Variants in PPM1E observed in about 807,000 individuals in gnomAD.
PPM1E encodes the protein protein phosphatase, Mg2+/Mn2+ dependent 1E.
In PPM1E, 20 loss-of-function variants were observed where a neutral mutation model predicts 65.9. The ratio of observed to expected loss-of-function variants is 0.30; its 90% confidence interval spans 0.21 to 0.44. The LOEUF (loss-of-function observed/expected upper bound fraction) is 0.44. Ranked by LOEUF, PPM1E falls within the 20% of genes least tolerant of loss-of-function variation. The pLI is 1.00. For synonymous variants in PPM1E, 352 were observed against 374.9 expected (o/e 0.94, Z 0.70); for missense variants, 713 against 953.1 (o/e 0.75, Z 3.32).
rs747617027 is a variant in PPM1E at position 58,982,956 on chromosome 17, T to G, written c.*1925T>G. ...CAAGAAAACAAAGGCAGCAGACTAT[T>G]GGTACACATTATAGTCCAAAGTGCT... On this transcript the variant is annotated 3_prime_UTR_variant, in exon 7 of 7. Coordinates refer to ENST00000308249, the MANE Select transcript of PPM1E (RefSeq NM_014906.5). 2 of 1,558,268 alleles carry G rather than the reference T, an allele frequency of 1.3e-6. No individual in the cohort carries two copies. Among genetic ancestry groups the G allele is most frequent in the East Asian group, 2.3e-5 (1 of 42,718 alleles).
intron 1 of PPM1E, among the ~76,000 whole-genome samples, chr17:58,858,585 G>A (rs1853955577): frequency 6.6e-6 from 1 of 151,426 alleles, no homozygotes; most frequent in African/African-American, 2.4e-5. Flanking sequence ...TCTGTTCCTG[G>A]CTTACTTCAT....
chr17:58,781,075 A>G (rs2050044678), intron 1 of PPM1E, among the ~76,000 whole-genome samples: 1 of 152,106 alleles, frequency 6.6e-6, no homozygotes, highest in South Asian at 2.1e-4. Flanking sequence ...TAAGATTTAT[A>G]AAAGATTGGT....
chr17:58,773,898 A>G (rs527682353), intron 1 of PPM1E, among the ~76,000 whole-genome samples: 23 of 152,258 alleles, frequency 1.5e-4, no homozygotes, highest in African/African-American at 3.6e-4. Flanking sequence ...GCGGTGGCTC[A>G]TGCCTCTAAT....
At chr17:58,768,455 A>T (rs765459693) in intron 1 of PPM1E, among the ~76,000 whole-genome samples, 1 of 152,138 alleles carries the variant, frequency 6.6e-6, no homozygotes, top group Non-Finnish European at 1.5e-5. Context: ...TCCAAAGAGC[A>T]TCCGCTTCCC....
chr17:58,869,320 G>T (rs1033201936), intron 1 of PPM1E, among the ~76,000 whole-genome samples: 2 of 152,140 alleles, frequency 1.3e-5, no homozygotes, highest in South Asian at 4.1e-4. Context: ...TGTCCTGTCC[G>T]AATTTCATGT....
chr17:58,862,508 T>C (rs560229781), intron 1 of PPM1E, among the ~76,000 whole-genome samples: 293 of 152,346 alleles, frequency 1.9e-3, no homozygotes, highest in African/African-American at 6.6e-3. Flanking sequence ...GAAATGCTTC[T>C]ATCCTATGAG....
chr17:58,860,425 C>G (rs2050927390), intron 1 of PPM1E, among the ~76,000 whole-genome samples: 1 of 152,096 alleles, frequency 6.6e-6, no homozygotes, highest in African/African-American at 2.4e-5. Flanking sequence ...GTTTTCCATC[C>G]CTTATTTCTA....
chr17:58,873,620 G>T (rs1198834792), intron 1 of PPM1E, among the ~76,000 whole-genome samples: 5 of 147,914 alleles, frequency 3.4e-5, no homozygotes, highest in African/African-American at 1.2e-4. Flanking sequence ...TCGAGTCAGG[G>T]TCTCACTTTG....
intron 1 of PPM1E, among the ~76,000 whole-genome samples, chr17:58,816,194 T>G (rs2050413147): frequency 6.6e-6 from 1 of 151,802 alleles, no homozygotes; most frequent in African/African-American, 2.4e-5. Context: ...CCCAGCTAAT[T>G]TTTGTATTTT....
chr17:58,897,371 G>A (rs995030603), intron 1 of PPM1E, among the ~76,000 whole-genome samples: 6 of 151,006 alleles, frequency 4.0e-5, no homozygotes, highest in South Asian at 2.1e-4. Flanking sequence ...CCGAGATTGC[G>A]CCACTGCACT....
chr17:58,837,697 C>T (rs1023258017), intron 1 of PPM1E, among the ~76,000 whole-genome samples: 8 of 152,078 alleles, frequency 5.3e-5, no homozygotes, highest in South Asian at 4.2e-4. Flanking sequence ...AGGGTTTCAC[C>T]GTGTCAGCCA....
At chr17:58,921,370 G>A (rs1352809687) in intron 1 of PPM1E, among the ~76,000 whole-genome samples, 1 of 152,136 alleles carries the variant, frequency 6.6e-6, no homozygotes, top group Admixed American at 6.5e-5. Context: ...ACAGTTACAG[G>A]TTGGTGAGAG....
At chr17:58,964,797 A>C (rs2030161173) in intron 2 of PPM1E, among the ~76,000 whole-genome samples, 2 of 152,186 alleles carry the variant, frequency 1.3e-5, no homozygotes, top group Admixed American at 1.3e-4. Flanking sequence ...TAATCCCAGC[A>C]CTTTGGGAGG....
chr17:58,827,917 T>C (rs560034902), intron 1 of PPM1E, among the ~76,000 whole-genome samples: 3 of 95,316 alleles, frequency 3.1e-5, no homozygotes, highest in Non-Finnish European at 7.1e-5. Flanking sequence ...AAAAAAATAA[T>C]AATAATAATA....
chr17:58,785,380 A>G (rs1317462067), intron 1 of PPM1E: 2 of 145,876 alleles, frequency 1.4e-5, no homozygotes, highest in African/African-American at 2.5e-5. Context: ...ATCATAGTTC[A>G]CTGCAATCTT....
intron 1 of PPM1E, among the ~76,000 whole-genome samples, chr17:58,774,891 T>A (rs1238999796): frequency 6.6e-6 from 1 of 151,862 alleles, no homozygotes; most frequent in Non-Finnish European, 1.5e-5. Flanking sequence ...TCTTCCTCTG[T>A]CTCCAGGCTG....
At chr17:58,921,992 A>G (rs2051758048) in intron 1 of PPM1E, among the ~76,000 whole-genome samples, 1 of 151,468 alleles carries the variant, frequency 6.6e-6, no homozygotes, top group Admixed American at 6.6e-5. Flanking sequence ...GTGAGCCGAG[A>G]TTGCACCACT....
At chr17:58,973,883 C>T (rs369556071) in intron 6 of PPM1E, among the ~76,000 whole-genome samples, 6 of 127,866 alleles carry the variant, frequency 4.7e-5, no homozygotes, top group East Asian at 2.5e-4. Context: ...ATCTGGGAGG[C>T]GGAGGTTGCA....
At chr17:58,854,929 T>G (rs1270310941) in intron 1 of PPM1E, among the ~76,000 whole-genome samples, 2 of 152,144 alleles carry the variant, frequency 1.3e-5, no homozygotes, top group Non-Finnish European at 2.9e-5. Context: ...AAATAGAGAA[T>G]CACAGCTTAG....
Sources: gnomAD v4.1 joint callset for allele counts (sites outside exome capture counted in the v4.1 genomes callset) on GRCh38, gnomAD v4.1.1 for gene constraint, MANE v1.5 for transcripts, NCBI Gene and HGNC (gene_info 2026-07-23, HGNC 2026-07-21) for gene names.